The following CACHD1 variants were observed in gnomAD, a reference collection of about 807,000 sequenced individuals.
CACHD1 encodes VWFA and cache domain-containing protein 1.
A neutral mutation model predicts 138.7 loss-of-function variants in CACHD1; 71 were observed. The observed-to-expected ratio is 0.51, with a 90% CI of 0.42 to 0.62. The LOEUF (loss-of-function observed/expected upper bound fraction) is 0.62. Among genes scored for constraint, CACHD1 ranks in the 20% least tolerant of loss-of-function variants. The pLI is 0.00. For missense variants in CACHD1, 1,389 were observed against 1,625.3 expected, an observed-to-expected ratio of 0.85 and a Z score of 2.50; for synonymous variants, 578 against 591.5, an observed-to-expected ratio of 0.98 and a Z score of 0.33.
intron 13 of CACHD1, among the ~76,000 whole-genome samples, chr1:64,662,204 A>G (rs1649467638): frequency 6.6e-6 from 1 of 152,212 alleles, no homozygotes; most frequent in Non-Finnish European, 1.5e-5. Context: ...CCACATACAT[A>G]CATGCTTTTG....
In CACHD1 at chr1:64,675,089, C is replaced by A. The variant is rs553462991; in HGVS notation, c.2728-312C>A. Among the ~76,000 whole-genome samples, 28 of 152,130 alleles carry A rather than the reference C, an allele frequency of 1.8e-4. No individual in the cohort carries two copies. The South Asian group carries it at 5.8e-3, about 31-fold the overall frequency. On this transcript the variant is annotated intron_variant, in intron 19 of 26. Transcript: ENST00000651257. ...TATTGCTTCTTGAAGTATTCATTTT[C>A]CTGGTATATTGTTATGTGTTAAGAA...
At position 64,681,541 on chromosome 1, in the gene CACHD1, G is replaced by GTTTTTTTTTTTTTTTTTTTTTTT. The variant is rs57993424; in HGVS notation, c.3484+207_3484+229dup. Reference sequence around the variant, plus strand: ...AGAGAATCTCAAAAGATTTTATTGTGTTTTTTTTTTTTTTTTTTTTTTTGC... The same window carrying GTTTTTTTTTTTTTTTTTTTTTTT: ...AGAGAATCTCAAAAGATTTTATTGTGTTTTTTTTTTTTTTTTTTTTTTTTTTTTTTTTTTTTTTTTTTTTTTGC... On this transcript the variant is annotated intron_variant, in intron 25 of 26. Coordinates refer to ENST00000651257, the MANE Select transcript of CACHD1 (RefSeq NM_020925.4). Among the ~76,000 whole-genome samples the GTTTTTTTTTTTTTTTTTTTTTTT allele has an allele frequency of 1.8e-4, 12 of 68,144 alleles. 2 individuals carry two copies. Among genetic ancestry groups the GTTTTTTTTTTTTTTTTTTTTTTT allele is most frequent in the African/African-American group, 3.7e-4 (5 of 13,656 alleles). 44.7% of individuals were successfully genotyped at this position (68,144 alleles called of 152,430 possible). A position where few individuals can be genotyped will look rare whatever the true frequency, so the allele number is the denominator to read the frequency against.
chr1:64,565,413 C>T (rs1468139052), intron 2 of CACHD1, among the ~76,000 whole-genome samples: 1 of 152,164 alleles, frequency 6.6e-6, no homozygotes, highest in Non-Finnish European at 1.5e-5. Flanking sequence ...TACAATGAAT[C>T]AAGCAAGGAC....
intron 2 of CACHD1, among the ~76,000 whole-genome samples, chr1:64,576,930 A>G (rs1011450373): frequency 1.1e-4 from 16 of 143,956 alleles, no homozygotes; most frequent in African/African-American, 4.1e-4. Flanking sequence ...AGAATTCTTT[A>G]TAACAAATTT....
At chr1:64,619,153 A>G (rs1282984303) in intron 4 of CACHD1, among the ~76,000 whole-genome samples, 4 of 152,154 alleles carry the variant, frequency 2.6e-5, no homozygotes, top group African/African-American at 9.7e-5. Context: ...AGTTAGATGT[A>G]GATGGTGAAA....
chr1:64,573,420 A>G (rs1044870618), intron 2 of CACHD1, among the ~76,000 whole-genome samples: 1 of 152,212 alleles, frequency 6.6e-6, no homozygotes, highest in Non-Finnish European at 1.5e-5. Context: ...TATGAGAAAT[A>G]AATATTTGTT....
chr1:64,554,473 A>G (rs975865592), intron 2 of CACHD1, among the ~76,000 whole-genome samples: 2 of 152,188 alleles, frequency 1.3e-5, no homozygotes, highest in Non-Finnish European at 2.9e-5. Context: ...CTGCTTCCAC[A>G]GTGGCTGTCA....
chr1:64,503,274 G>C (rs1390343475), intron 1 of CACHD1, among the ~76,000 whole-genome samples: 1 of 152,160 alleles, frequency 6.6e-6, no homozygotes, highest in African/African-American at 2.4e-5. Flanking sequence ...CTAATCCCCA[G>C]ATAAAACACT....
chr1:64,620,665 T>C (rs1647880326), intron 4 of CACHD1, among the ~76,000 whole-genome samples: 1 of 152,190 alleles, frequency 6.6e-6, no homozygotes, highest in African/African-American at 2.4e-5. Flanking sequence ...TTCCAAATCA[T>C]GGAAGGTATG....
chr1:64,685,020 G>A (rs1231914691), intron 26 of CACHD1, among the ~76,000 whole-genome samples: 1 of 152,088 alleles, frequency 6.6e-6, no homozygotes, highest in Admixed American at 6.6e-5. Flanking sequence ...TGTTGGTCAG[G>A]CTGGTCTCGA....
intron 22 of CACHD1, 73 bp downstream of exon 22, chr1:64,677,084 AG>A (rs1650017825): frequency 8.3e-7 from 1 of 1,206,596 alleles, no homozygotes; most frequent in African/African-American, 1.5e-5. Context: ...TGTTTTAAAA[AG>A]GTATGTCAGT....
At chr1:64,659,093 A>G (rs1437749102) in intron 13 of CACHD1, among the ~76,000 whole-genome samples, 8 of 152,160 alleles carry the variant, frequency 5.3e-5, no homozygotes, top group African/African-American at 1.9e-4. Context: ...TTTATATAGG[A>G]TGGGCTTTGA....
intron 4 of CACHD1, among the ~76,000 whole-genome samples, chr1:64,623,069 C>T (rs1427568911): frequency 6.6e-6 from 1 of 152,118 alleles, no homozygotes; most frequent in Non-Finnish European, 1.5e-5. Context: ...ATTATCATTG[C>T]TTCTATATTG....
chr1:64,691,669 G>C lies in CACHD1; in HGVS notation c.*108G>C. 1 of 969,402 alleles carries C rather than the reference G, an allele frequency of 1.0e-6. No individual in the cohort carries two copies. 60.1% of individuals were successfully genotyped at this position (969,402 alleles called of 1,614,324 possible). A position where few individuals can be genotyped will look rare whatever the true frequency, so the allele number is the denominator to read the frequency against. On this transcript the variant is annotated 3_prime_UTR_variant, in exon 27 of 27. Coordinates refer to ENST00000651257, the MANE Select transcript of CACHD1 (RefSeq NM_020925.4). Reference sequence around the variant, plus strand: ...AGCAAGAGACCTCCCTTGTGTTTGTGCTTTGTGCAGAGTTGTTTGAGTCAT... The same window carrying C: ...AGCAAGAGACCTCCCTTGTGTTTGTCCTTTGTGCAGAGTTGTTTGAGTCAT...
chr1:64,501,064 A>G (rs1045038161), intron 1 of CACHD1, among the ~76,000 whole-genome samples: 1 of 150,596 alleles, frequency 6.6e-6, no homozygotes, highest in African/African-American at 2.4e-5. Flanking sequence ...AAAAAAAAGG[A>G]GAGACAGAGA....
chr1:64,559,699 C>T (rs1250438719), intron 2 of CACHD1, among the ~76,000 whole-genome samples: 5 of 152,124 alleles, frequency 3.3e-5, no homozygotes, highest in African/African-American at 1.2e-4. Flanking sequence ...TGGAAGTATT[C>T]CTTCCTCCTT....
chr1:64,648,153 T>C (rs1472059730), intron 9 of CACHD1, 119 bp downstream of exon 9: 8 of 724,864 alleles, frequency 1.1e-5, no homozygotes, highest in Non-Finnish European at 2.3e-6. Flanking sequence ...CCTATATCTC[T>C]GTATTGTACA....
intron 1 of CACHD1, among the ~76,000 whole-genome samples, chr1:64,477,374 G>A (rs1202569462): frequency 1.3e-5 from 2 of 152,180 alleles, no homozygotes; most frequent in Non-Finnish European, 2.9e-5. Context: ...GTGGTGCAAA[G>A]CCATGCTTGG....
chr1:64,561,813 A>T (rs964969011), intron 2 of CACHD1, among the ~76,000 whole-genome samples: 2 of 146,550 alleles, frequency 1.4e-5, no homozygotes, highest in Admixed American at 7.1e-5. Context: ...AACTGTGATG[A>T]TGCCGCTGCA....
Sources: gnomAD v4.1 joint callset for allele counts (sites outside exome capture counted in the v4.1 genomes callset) on GRCh38, gnomAD v4.1.1 for gene constraint, MANE v1.5 for transcripts, NCBI Gene and HGNC (gene_info 2026-07-23, HGNC 2026-07-21) for gene names.